The following ADAMTSL1 variants were observed in gnomAD, a reference collection of about 807,000 sequenced individuals.
ADAMTSL1 encodes the protein ADAMTS like 1.
In ADAMTSL1, 126 loss-of-function variants were observed where a neutral mutation model predicts 201.8. That is an observed-to-expected ratio of 0.62 (90% confidence interval 0.54 to 0.72). The LOEUF (loss-of-function observed/expected upper bound fraction) is 0.72, where lower values mean the gene tolerates loss of function less well. ADAMTSL1 is among the 30% of genes least tolerant of loss of function. The pLI is 0.00. For synonymous variants in ADAMTSL1, 1,121 were observed against 903.4 expected (o/e 1.24, Z -4.32); for missense variants, 2,679 against 2,277.8 (o/e 1.18, Z -3.59).
intron 7 of ADAMTSL1, among the ~76,000 whole-genome samples, chr9:18,648,727 C>A (rs1827989858): frequency 6.6e-6 from 1 of 152,018 alleles, no homozygotes; most frequent in African/African-American, 2.4e-5. Context: ...CCACTGTCTT[C>A]TGGCTTGTAG....
At chr9:18,028,447 A>T (rs1054189193) in intron 1 of ADAMTSL1, among the ~76,000 whole-genome samples, 1 of 152,116 alleles carries the variant, frequency 6.6e-6, no homozygotes, top group South Asian at 2.1e-4. Context: ...ACAGGTCTCC[A>T]ATCTTTTCTG....
At chr9:18,264,405 G>A (rs1232490215) in intron 2 of ADAMTSL1, among the ~76,000 whole-genome samples, 4 of 151,980 alleles carry the variant, frequency 2.6e-5, no homozygotes, top group Non-Finnish European at 5.9e-5. Flanking sequence ...ACTCCTGCCC[G>A]GTGTCTAAGC....
At chr9:18,735,748 C>CTT (rs71333066) in intron 15 of ADAMTSL1, among the ~76,000 whole-genome samples, 8 of 106,662 alleles carry the variant, frequency 7.5e-5, no homozygotes, top group African/African-American at 1.4e-4. Flanking sequence ...ATTCTTTTTT[C>CTT]TTTTTTTTTT....
intron 1 of ADAMTSL1, among the ~76,000 whole-genome samples, chr9:18,018,702 C>A (rs1338253944): frequency 6.6e-6 from 1 of 152,034 alleles, no homozygotes; most frequent in Non-Finnish European, 1.5e-5. Context: ...GAGACCACAG[C>A]CCCAGTCATC....
At chr9:18,392,766 GA>G (rs920552415) in intron 2 of ADAMTSL1, among the ~76,000 whole-genome samples, 1 of 152,066 alleles carries the variant, frequency 6.6e-6, no homozygotes, top group East Asian at 1.9e-4. Context: ...ATTCATACAA[GA>G]AAAAAATAAT....
At chr9:18,657,804 G>A (rs751197103) in intron 8 of ADAMTSL1, 54 bp downstream of exon 8, 17 of 1,424,960 alleles carry the variant, frequency 1.2e-5, no homozygotes, top group Non-Finnish European at 1.6e-5. Flanking sequence ...GAAATACTTG[G>A]GTATTATAAG....
chr9:18,172,279 A>T (rs1183053911), intron 2 of ADAMTSL1, among the ~76,000 whole-genome samples: 1 of 152,090 alleles, frequency 6.6e-6, no homozygotes, highest in South Asian at 2.1e-4. Flanking sequence ...AGTATATATA[A>T]AAAAAGAACT....
intron 2 of ADAMTSL1, among the ~76,000 whole-genome samples, chr9:18,401,303 T>G (rs1203218394): frequency 6.6e-6 from 1 of 152,190 alleles, no homozygotes; most frequent in East Asian, 1.9e-4. Context: ...AAAATCCACA[T>G]TATACCTCTT....
chr9:17,907,081 G>A (rs913977824), intron 1 of ADAMTSL1, among the ~76,000 whole-genome samples: 2 of 152,200 alleles, frequency 1.3e-5, no homozygotes, highest in Non-Finnish European at 2.9e-5. Context: ...CGCGGGGTTG[G>A]GGCTAAGGCG....
At chr9:18,244,514 T>C (rs1486987120) in intron 2 of ADAMTSL1, among the ~76,000 whole-genome samples, 2 of 151,970 alleles carry the variant, frequency 1.3e-5, no homozygotes, top group African/African-American at 2.4e-5. Flanking sequence ...ACTCAACTAC[T>C]CTCTCCTTCC....
At chr9:18,176,275 A>G (rs547165752) in intron 2 of ADAMTSL1, among the ~76,000 whole-genome samples, 18 of 152,230 alleles carry the variant, frequency 1.2e-4, no homozygotes, top group Non-Finnish European at 2.1e-4. Flanking sequence ...TTTCCAGCCC[A>G]TGGAACAGAA....
At chr9:18,318,430 A>G (rs914383414) in intron 2 of ADAMTSL1, among the ~76,000 whole-genome samples, 3 of 152,242 alleles carry the variant, frequency 2.0e-5, no homozygotes, top group Admixed American at 6.5e-5. Flanking sequence ...CCACTGAATC[A>G]AAAACTCAAT....
At chr9:18,657,882 G>A in intron 8 of ADAMTSL1, 132 bp downstream of exon 8, 1 of 702,612 alleles carries the variant, frequency 1.4e-6, no homozygotes. Context: ...TCTGAACAGA[G>A]TGGAATCTCG....
At chr9:18,621,697 T>C (rs1229964776) in intron 4 of ADAMTSL1, among the ~76,000 whole-genome samples, 1 of 152,140 alleles carries the variant, frequency 6.6e-6, no homozygotes. Flanking sequence ...CAAATATTTT[T>C]TGAGGGCCTA....
At chr9:18,212,404 C>T (rs185269882) in intron 2 of ADAMTSL1, among the ~76,000 whole-genome samples, 2 of 152,240 alleles carry the variant, frequency 1.3e-5, no homozygotes, top group East Asian at 3.9e-4. Context: ...AGATTATGTT[C>T]AGCAAATGTA....
rs889456462 is a variant in ADAMTSL1, at chr9:18,712,827, A to C, written c.1876+5779A>C. Among the ~76,000 whole-genome samples the C allele has an allele frequency of 9.9e-4, 149 of 151,034 alleles. 2 individuals carry two copies. In the Middle Eastern group the frequency reaches 0.01, roughly 10 times the overall value. On this transcript the variant is annotated intron_variant, in intron 14 of 28. Coordinates refer to ENST00000380548, the MANE Select transcript of ADAMTSL1 (RefSeq NM_001040272.6). The stretch of plus-strand genomic sequence containing the variant: ...TTCACCAACATTGAAATGAAGGAAA[A>C]AATGTTAAGGGCAGCCAGAGAGAAA...
chr9:18,389,482 G>A (rs1983975), intron 2 of ADAMTSL1, among the ~76,000 whole-genome samples: 34,684 of 151,958 alleles, frequency 0.23, 5,244 homozygotes, highest in African/African-American at 0.43. Context: ...TGGCTATCCT[G>A]TATTCATATT....
At chr9:18,609,895 A>G (rs965582283) in intron 4 of ADAMTSL1, among the ~76,000 whole-genome samples, 4 of 152,222 alleles carry the variant, frequency 2.6e-5, no homozygotes, top group African/African-American at 9.6e-5. Context: ...AGTATATAAA[A>G]TAGGTTGGAT....
chr9:18,166,173 C>T (rs1354451767), intron 2 of ADAMTSL1, among the ~76,000 whole-genome samples: 1 of 151,890 alleles, frequency 6.6e-6, no homozygotes, highest in Non-Finnish European at 1.5e-5. Context: ...TTTCACCTCC[C>T]CTACCAGATT....
Sources: gnomAD v4.1 joint callset for allele counts (sites outside exome capture counted in the v4.1 genomes callset) on GRCh38, gnomAD v4.1.1 for gene constraint, MANE v1.5 for transcripts, NCBI Gene and HGNC (gene_info 2026-07-23, HGNC 2026-07-21) for gene names.